The following ANXA8 variants were observed in gnomAD, a reference collection of about 807,000 sequenced individuals.
ANXA8 encodes VAC-beta.
In ANXA8, 9 loss-of-function variants were observed where a neutral mutation model predicts 26.8. That is an observed-to-expected ratio of 0.34 (90% CI 0.20 to 0.59). ANXA8 has a LOEUF of 0.59. Among genes scored for constraint, ANXA8 ranks in the 20% least tolerant of loss-of-function variants. The pLI, the probability that ANXA8 is intolerant of heterozygous loss-of-function variation, is 0.84. For missense variants in ANXA8, 83 were observed against 238.5 expected (o/e 0.35, Z 4.29); for synonymous variants, 39 against 94.8 (o/e 0.41, Z 3.42).
the ANXA8 span, among the ~76,000 whole-genome samples, chr10:47,573,836 T>C: frequency 8.1e-5 from 12 of 148,264 alleles, no homozygotes; most frequent in Non-Finnish European, 1.8e-4. Context: ...AGACATAGAG[T>C]TACAGATTAG....
At chr10:47,683,430 C>A in the ANXA8 span, among the ~76,000 whole-genome samples, 7 of 150,610 alleles carry the variant, frequency 4.6e-5, no homozygotes, top group East Asian at 2.0e-4. Context: ...GGGTTTCACC[C>A]TTTTAGCCAG....
the ANXA8 span, among the ~76,000 whole-genome samples, chr10:47,649,197 A>T: frequency 6.7e-6 from 1 of 148,456 alleles, no homozygotes; most frequent in Non-Finnish European, 1.5e-5. Context: ...GCAAAACTTT[A>T]AGGTTAAATT....
the ANXA8 span, chr10:47,588,669 G>T: frequency 6.8e-6 from 1 of 146,924 alleles, no homozygotes; most frequent in African/African-American, 2.7e-5. Flanking sequence ...GATTAAATGA[G>T]ACATGTAAAC....
At chr10:47,894,936 AAC>A in the ANXA8 span, among the ~76,000 whole-genome samples, 6 of 151,490 alleles carry the variant, frequency 4.0e-5, no homozygotes, top group African/African-American at 9.7e-5. Flanking sequence ...CACACCACAT[AAC>A]ACAGCACGCA....
the ANXA8 span, among the ~76,000 whole-genome samples, chr10:47,768,802 A>G: frequency 6.6e-6 from 1 of 151,626 alleles, no homozygotes; most frequent in Non-Finnish European, 1.5e-5. Flanking sequence ...CTTGGTTCTG[A>G]TGAAGAGAGT....
chr10:47,473,893 C>T (rs1839398327), intron 9 of ANXA8, 77 bp downstream of exon 9: 2 of 341,600 alleles, frequency 5.9e-6, no homozygotes, highest in Non-Finnish European at 9.6e-6. Context: ...GTGGTCGCAT[C>T]CCTAGGCCCT....
chr10:47,489,997 GC>G, the ANXA8 span, among the ~76,000 whole-genome samples: 9 of 150,474 alleles, frequency 6.0e-5, no homozygotes, highest in South Asian at 1.9e-3. Flanking sequence ...GGTCCCTGAA[GC>G]CCCTTGGCCC....
chr10:47,497,107 G>A, the ANXA8 span, among the ~76,000 whole-genome samples: 1 of 150,992 alleles, frequency 6.6e-6, no homozygotes, highest in South Asian at 2.1e-4. Flanking sequence ...GATCACCTGA[G>A]GTCAGGAGTT....
the ANXA8 span, among the ~76,000 whole-genome samples, chr10:47,519,160 A>G: frequency 7.3e-6 from 1 of 136,850 alleles, no homozygotes; most frequent in Non-Finnish European, 1.5e-5. Flanking sequence ...AATTCTCATT[A>G]TGGTAATTTA....
the ANXA8 span, among the ~76,000 whole-genome samples, chr10:47,744,158 C>T: frequency 1.4e-5 from 2 of 148,090 alleles, no homozygotes; most frequent in African/African-American, 4.9e-5. Flanking sequence ...GGTGCTGCAC[C>T]GGCAGGAGCG....
the ANXA8 span, among the ~76,000 whole-genome samples, chr10:47,669,945 C>T: frequency 1.3e-5 from 2 of 151,818 alleles, no homozygotes; most frequent in African/African-American, 4.8e-5. Flanking sequence ...ACAGCCATCA[C>T]TACTTTCTAG....
At chr10:47,948,671 G>A in the ANXA8 span, among the ~76,000 whole-genome samples, 2 of 150,294 alleles carry the variant, frequency 1.3e-5, 1 homozygote, top group African/African-American at 4.9e-5. Context: ...GAGAAGGAAA[G>A]GAAAGAGGGA....
chr10:47,716,009 G>T, the ANXA8 span, among the ~76,000 whole-genome samples: 3 of 149,062 alleles, frequency 2.0e-5, no homozygotes, highest in African/African-American at 7.6e-5. Context: ...TCAGCCTTTC[G>T]CGTAGCTGAG....
chr10:47,778,816 A>C, the ANXA8 span, among the ~76,000 whole-genome samples: 1 of 151,692 alleles, frequency 6.6e-6, no homozygotes, highest in Non-Finnish European at 1.5e-5. Flanking sequence ...CATTTACAGA[A>C]TCCAATTAGG....
chr10:47,487,938 T>C (rs1840075774), upstream of ANXA8, among the ~76,000 whole-genome samples: 1 of 151,280 alleles, frequency 6.6e-6, no homozygotes, highest in Non-Finnish European at 1.5e-5. Context: ...TTACGATGTC[T>C]TCCCCCTCAA....
chr10:47,487,360 A>G, upstream of ANXA8: 2 of 810,444 alleles, frequency 2.5e-6, no homozygotes, highest in Non-Finnish European at 3.7e-6. Flanking sequence ...GATTTCCTTC[A>G]TCTTTTTGTC....
chr10:47,506,621 C>T, the ANXA8 span, among the ~76,000 whole-genome samples: 9 of 141,718 alleles, frequency 6.4e-5, 1 homozygote, highest in Admixed American at 1.4e-4. Flanking sequence ...TGAACCACTG[C>T]GCCCCACCAG....
At chr10:47,576,455 CTTT>C in the ANXA8 span, among the ~76,000 whole-genome samples, 5,834 of 71,892 alleles carry the variant, frequency 0.081, 1 homozygote, top group African/African-American at 0.16. Context: ...ACATCCCTAT[CTTT>C]TTTTTTTTTT....
intron 1 of ANXA8, among the ~76,000 whole-genome samples, chr10:47,480,946 A>C (rs1272549475): frequency 0.048 from 5,789 of 120,336 alleles, 70 homozygotes; most frequent in African/African-American, 0.17. Context: ...CAGAGATTCC[A>C]ATGGATGGTA....
Sources: allele counts gnomAD v4.1 joint callset (sites outside exome capture counted in the v4.1 genomes callset), GRCh38; gene constraint gnomAD v4.1.1; transcripts MANE v1.5; gene names NCBI Gene and HGNC (gene_info 2026-07-23, HGNC 2026-07-21).